OR8G5: variants seen among roughly 807,000 people sequenced by gnomAD.
OR8G5 encodes olfactory receptor 8G5.
For missense variants in OR8G5, 347 were observed against 371.9 expected (o/e 0.93, Z 0.55); for synonymous variants, 147 against 147.7 (o/e 1.00, Z 0.03).
chr11:124,262,672 T>TACACACACACACACACACACAC (rs144755103), intron 1 of OR8G5, among the ~76,000 whole-genome samples: 15 of 150,858 alleles, frequency 9.9e-5, no homozygotes, highest in East Asian at 9.7e-4. Flanking sequence ...TATATGTACA[T>TACACACACACACACACACACAC]ATACACACAC....
chr11:124,257,428 C>T lies in OR8G5; in HGVS notation c.-15+794C>T, dbSNP rs114631311. ...ACTAAGTATGAAACCCAAGAAGGAC[C>T]AGGTGGTTGAGGCTTAAATACTCTC... is the stretch of plus-strand genomic sequence containing the variant. On this transcript the variant is annotated intron_variant, in intron 1 of 1. Coordinates refer to ENST00000641992, the MANE Select transcript of OR8G5 (RefSeq NM_001005198.2). 8.1e-3 allele frequency among the ~76,000 whole-genome samples: 1,233 copies of T among 152,064 alleles called. 24 individuals are homozygous for T. The highest frequency in any genetic ancestry group is 0.028 in the African/African-American group (1,148 of 41,492).
intron 1 of OR8G5, among the ~76,000 whole-genome samples, chr11:124,260,844 T>C (rs1861963689): frequency 6.6e-6 from 1 of 151,946 alleles, no homozygotes; most frequent in Non-Finnish European, 1.5e-5. Flanking sequence ...TTAAACCTTC[T>C]ACCTATTTAA....
At chr11:124,262,045 A>G (rs1861976499) in intron 1 of OR8G5, among the ~76,000 whole-genome samples, 1 of 151,936 alleles carries the variant, frequency 6.6e-6, no homozygotes, top group Admixed American at 6.6e-5. Flanking sequence ...TTATATGCAC[A>G]TATTACAAAA....
rs1026329335 is a variant in OR8G5, at chr11:124,266,046, T to G, written c.*179T>G. On this transcript the variant is annotated 3_prime_UTR_variant, in exon 2 of 2. Coordinates refer to ENST00000641992, the MANE Select transcript of OR8G5 (RefSeq NM_001005198.2). ...TGCCATTTCCCTCTCATTTTTTCTC[T>G]CATAAGGATTACGAAGACATGATAT... 13 of 749,498 alleles carry G rather than the reference T, an allele frequency of 1.7e-5. No individual in the cohort carries two copies. Among genetic ancestry groups the G allele is most frequent in the Middle Eastern group, 7.4e-4 (2 of 2,690 alleles). The allele number at this position is 749,498 out of a possible 1,614,324, so 46.4% of individuals were successfully genotyped here.
chr11:124,260,467 T>A (rs993552598), intron 1 of OR8G5, among the ~76,000 whole-genome samples: 4 of 151,896 alleles, frequency 2.6e-5, no homozygotes, highest in Middle Eastern at 3.4e-3. Flanking sequence ...TGACACAAGT[T>A]TACCTATATG....
chr11:124,257,841 G>A (rs775700605), intron 1 of OR8G5, among the ~76,000 whole-genome samples: 54 of 152,142 alleles, frequency 3.5e-4, no homozygotes, highest in Non-Finnish European at 6.0e-4. Context: ...AAGGAGGTGG[G>A]AGAAGGTCAG....
chr11:124,263,997 C>T (rs1247638861), intron 1 of OR8G5, among the ~76,000 whole-genome samples: 1 of 152,230 alleles, frequency 6.6e-6, no homozygotes, highest in East Asian at 1.9e-4. Flanking sequence ...AAAGGAAATA[C>T]TGAGGTAGTA....
chr11:124,265,410 T>G lies in OR8G5; in HGVS notation c.479T>G (p.Ile160Arg), dbSNP rs1036739725. ...VIGLICASAHIGCMFRVQFCK... is the reference protein window; with the variant it reads ...VIGLICASAHRGCMFRVQFCK... ...GGCCTGATTTGTGCGTCAGCTCATA[T>G]AGGCTGTATGTTTAGGGTTCAATTC... Residue 160 changes from isoleucine (I) to arginine (R), a missense_variant, in exon 2 of 2, where the codon ATA (isoleucine) becomes AGA (arginine). By Grantham distance (97) the Ile-to-Arg change is moderately conservative (BLOSUM62 -3). Transcript: ENST00000641992. The G allele has an allele frequency of 1.2e-6, 2 of 1,614,046 alleles. No homozygotes were observed. Among genetic ancestry groups the G allele is most frequent in the South Asian group, 2.2e-5 (2 of 91,088 alleles).
chr11:124,261,669 A>C (rs377758747), intron 1 of OR8G5, among the ~76,000 whole-genome samples: 14 of 152,064 alleles, frequency 9.2e-5, no homozygotes, highest in African/African-American at 3.4e-4. Flanking sequence ...TCAACAACAT[A>C]ATTAGTGAAG....
intron 1 of OR8G5, among the ~76,000 whole-genome samples, chr11:124,259,089 AT>A (rs1861940110): frequency 6.6e-6 from 1 of 152,144 alleles, no homozygotes. Context: ...TCCCTGCTAC[AT>A]TTTAATTTGT....
At chr11:124,261,556 G>C (rs1284180824) in intron 1 of OR8G5, among the ~76,000 whole-genome samples, 1 of 151,824 alleles carries the variant, frequency 6.6e-6, no homozygotes, top group African/African-American at 2.4e-5. Context: ...AACTACTAAA[G>C]GAAGAAATTT....
At chr11:124,258,378 G>A (rs142661680) in intron 1 of OR8G5, among the ~76,000 whole-genome samples, 2,627 of 151,964 alleles carry the variant, frequency 0.017, 86 homozygotes, top group African/African-American at 0.059. Flanking sequence ...CCAACATAGC[G>A]AAACCCTGTC....
intron 1 of OR8G5, among the ~76,000 whole-genome samples, chr11:124,257,846 G>A (rs879281893): frequency 3.9e-5 from 6 of 152,098 alleles, no homozygotes; most frequent in Non-Finnish European, 8.8e-5. Context: ...GGTGGGAGAA[G>A]GTCAGAAACA....
intron 1 of OR8G5, among the ~76,000 whole-genome samples, chr11:124,263,181 A>G (rs1231923506): frequency 1.3e-5 from 2 of 152,010 alleles, no homozygotes. Flanking sequence ...TCTGTGTACT[A>G]TTATTTGCAT....
chr11:124,263,380 G>C (rs1454239094), intron 1 of OR8G5, among the ~76,000 whole-genome samples: 1 of 151,232 alleles, frequency 6.6e-6, no homozygotes, highest in African/African-American at 2.4e-5. Flanking sequence ...TAAGCTTTAG[G>C]GTACGTGTGC....
rs375592409 is a variant in OR8G5 at position 124,265,558 on chromosome 11, C to G, written c.627C>G (p.Val209=). 1 of 1,613,862 alleles carries G rather than the reference C, an allele frequency of 6.2e-7. No individual in the cohort carries two copies. The highest frequency in any genetic ancestry group is 1.7e-5 in the Admixed American group (1 of 60,020). ...ILIFSGINIL[V]PSLTILSSYI... ...TCTTTAGTGGAATTAACATCCTTGT[C>G]CCCAGCCTGACCATCCTCAGCTCTT... The change falls in exon 2 of 2, where the codon GTC becomes GTG. Residue 209 remains valine, a synonymous_variant. Transcript: ENST00000641992.
rs1862012998 is a variant in OR8G5 at position 124,265,002 on chromosome 11, A to C, written c.71A>C (p.Gln24Pro). The C allele has an allele frequency of 6.2e-7, 1 of 1,613,986 alleles. No individual in the cohort carries two copies. Among genetic ancestry groups the C allele is most frequent in the Non-Finnish European group, 8.5e-7 (1 of 1,179,892 alleles). ...LVGLTEKSEL[Q>P]LPLFLVFLGI... ...GGGCTAACAGAGAAGTCAGAGCTACAGCTGCCCCTCTTCCTCGTCTTCCTG... is the reference window on the plus strand; with the variant it reads ...GGGCTAACAGAGAAGTCAGAGCTACCGCTGCCCCTCTTCCTCGTCTTCCTG... Residue 24 changes from glutamine (Q) to proline (P), a missense_variant, in exon 2 of 2, where the codon CAG (glutamine) becomes CCG (proline). Physicochemically the swap from Gln to Pro is moderately conservative, Grantham distance 76. Transcript: ENST00000641992.
At chr11:124,264,737 TATC>T (rs1449252255) in intron 1 of OR8G5, 178 bp from the exon 2 acceptor site, 8 of 671,212 alleles carry the variant, frequency 1.2e-5, no homozygotes, top group Admixed American at 3.0e-5. Flanking sequence ...GGTAAAATAT[TATC>T]ATATAGAATA....
In OR8G5 at chr11:124,265,101, C is replaced by A; in HGVS notation, c.170C>A (p.Thr57Lys). 1.9e-6 allele frequency: 3 copies of A among 1,614,172 alleles called. No individual in the cohort carries two copies. Among genetic ancestry groups the A allele is most frequent in the Non-Finnish European group, 2.5e-6 (3 of 1,180,032 alleles). The change falls in exon 2 of 2, where the codon ACA (threonine) becomes AAA (lysine). Residue 57 changes from threonine (T) to lysine (K), a missense_variant. Transcript: ENST00000641992. ...ATTGGGCTCAGTTCTCACCTGCACA[C>A]ACCTATGTACTGTTTCCTCAGCAGT... ...TLIGLSSHLHTPMYCFLSSLS... is the reference protein window; with the variant it reads ...TLIGLSSHLHKPMYCFLSSLS...
Sources: gnomAD v4.1 joint callset for allele counts (sites outside exome capture counted in the v4.1 genomes callset) on GRCh38, gnomAD v4.1.1 for gene constraint, MANE v1.5 for transcripts, NCBI Gene and HGNC (gene_info 2026-07-23, HGNC 2026-07-21) for gene names.